CECR2: variants seen among roughly 807,000 people sequenced by gnomAD.
The protein encoded by CECR2 is CECR2 histone acetyl-lysine reader, also known as chromatin remodeling regulator CECR2.
A neutral mutation model predicts 154.5 loss-of-function variants in CECR2; 30 were observed. That is an observed-to-expected ratio of 0.19 (90% CI 0.15 to 0.26). The LOEUF is 0.26. Among genes scored for constraint, CECR2 ranks in the 10% least tolerant of loss-of-function variants. CECR2 has a pLI of 1.00. For missense variants in CECR2, 1,743 were observed against 1,829.3 expected (o/e 0.95, Z 0.86); for synonymous variants, 725 against 683.7 (o/e 1.06, Z -0.94).
chr22:17,481,982 G>A (rs2055328666), intron 2 of CECR2, among the ~76,000 whole-genome samples: 1 of 151,470 alleles, frequency 6.6e-6, no homozygotes, highest in Non-Finnish European at 1.5e-5. Flanking sequence ...CGGGCGTGGT[G>A]GCGGCACCTG....
chr22:17,461,224 T>C (rs2054933115), intron 1 of CECR2, among the ~76,000 whole-genome samples: 3 of 152,230 alleles, frequency 2.0e-5, no homozygotes, highest in Admixed American at 6.5e-5. Flanking sequence ...GTTCAGAGTT[T>C]ATTCTTTTTT....
chr22:17,479,788 G>C (rs2055275149), intron 2 of CECR2, among the ~76,000 whole-genome samples: 1 of 132,724 alleles, frequency 7.5e-6, no homozygotes, highest in African/African-American at 3.4e-5. Flanking sequence ...TTTTTTTTGG[G>C]ACAGGGTCTT....
At chr22:17,414,095 T>C (rs181565358) in intron 1 of CECR2, among the ~76,000 whole-genome samples, 2,164 of 150,982 alleles carry the variant, frequency 0.014, 31 homozygotes, top group African/African-American at 0.038. Flanking sequence ...GCCTCAGCCT[T>C]CTGAGTAGCT....
At chr22:17,412,382 T>A (rs1411433235) in intron 1 of CECR2, among the ~76,000 whole-genome samples, 7 of 152,166 alleles carry the variant, frequency 4.6e-5, no homozygotes, top group Non-Finnish European at 5.9e-5. Flanking sequence ...AGCTCTTCTT[T>A]CCTTGTTCAT....
In CECR2 at chr22:17,552,940, C is replaced by T; in HGVS notation, c.*100C>T. ...CTGTCAGCTCTATTCCCATCACCTG[C>T]TCCACCCCTTCACGGCGACCCACTC... On this transcript the variant is annotated 3_prime_UTR_variant, in exon 19 of 19. Transcript: ENST00000262608. The T allele has an allele frequency of 1.3e-6, 2 of 1,516,808 alleles. No homozygotes were observed. The highest frequency in any genetic ancestry group is 1.8e-6 in the Non-Finnish European group (2 of 1,135,540). The allele number at this position is 1,516,808 out of a possible 1,614,324, so 94.0% of individuals were successfully genotyped here.
rs375174193 is a variant in CECR2 at position 17,533,100 on chromosome 22, G to A, written c.1109-4003G>A. Among the ~76,000 whole-genome samples, 6 of 146,576 alleles carry A rather than the reference G, an allele frequency of 4.1e-5. No individual in the cohort carries two copies. The South Asian group carries it at 1.1e-3, about 27-fold the overall frequency. ...TGGGAGGCCGAGGCGGGCAGATCAC[G>A]AGGTCAGAAGATCAAGACCATCCTG... On this transcript the variant is annotated intron_variant, in intron 9 of 18. Coordinates refer to ENST00000262608, the MANE Select transcript of CECR2 (RefSeq NM_001290047.2).
chr22:17,460,891 C>G (rs1266170497), intron 1 of CECR2, among the ~76,000 whole-genome samples: 1 of 152,178 alleles, frequency 6.6e-6, no homozygotes, highest in African/African-American at 2.4e-5. Context: ...GGACTTCATC[C>G]TTTCTAGGTC....
At position 17,507,872 on chromosome 22, in the gene CECR2, G is replaced by A. The variant is rs1418115736; in HGVS notation, c.870+2856G>A. Reference sequence around the variant, plus strand: ...TAGTAAGAAAAATCTAAATTGGGAAGTAGAAAATCTTAGCAGACTAATAAT... The same window carrying A: ...TAGTAAGAAAAATCTAAATTGGGAAATAGAAAATCTTAGCAGACTAATAAT... On this transcript the variant is annotated intron_variant, in intron 7 of 18. Transcript: ENST00000262608. Among the ~76,000 whole-genome samples the A allele has an allele frequency of 2.0e-5, 3 of 152,138 alleles. No individual in the cohort carries two copies. In the East Asian group the frequency reaches 5.8e-4, roughly 29 times the overall value.
chr22:17,490,456 A>G (rs1423671447), intron 2 of CECR2, among the ~76,000 whole-genome samples: 1 of 151,760 alleles, frequency 6.6e-6, no homozygotes, highest in Non-Finnish European at 1.5e-5. Context: ...ATTTTTTGAG[A>G]TGGCGTCTTG....
chr22:17,551,989 C>T lies in CECR2; in HGVS notation c.4278-42C>T, dbSNP rs372518544. The T allele has an allele frequency of 5.7e-6, 9 of 1,574,626 alleles. No individual in the cohort carries two copies. In the Admixed American group the frequency reaches 8.3e-5, roughly 15 times the overall value. On this transcript the variant is annotated intron_variant, in intron 17 of 18. Transcript: ENST00000262608. ...TGTCTTGTTTCTTCTGTCGTTAACA[C>T]GTCTTCATTAATTCTTCATTGCTTC...
At chr22:17,383,657 C>CTTTTTTTTTT (rs57665657) in intron 1 of CECR2, among the ~76,000 whole-genome samples, 2 of 104,278 alleles carry the variant, frequency 1.9e-5, no homozygotes, top group African/African-American at 3.9e-5. Flanking sequence ...TTCAGGTCCA[C>CTTTTTTTTTT]TTTTTTTTTT....
At chr22:17,459,950 T>C (rs2054911837) in intron 1 of CECR2, among the ~76,000 whole-genome samples, 1 of 152,188 alleles carries the variant, frequency 6.6e-6, no homozygotes, top group Non-Finnish European at 1.5e-5. Context: ...AGTAGCAGCT[T>C]AGTATGTGCT....
intron 1 of CECR2, among the ~76,000 whole-genome samples, chr22:17,378,067 TCCGCCCC>T (rs2063138260): frequency 8.3e-6 from 1 of 120,682 alleles, no homozygotes; most frequent in Non-Finnish European, 1.9e-5. Context: ...CACTGCAACC[TCCGCCCC>T]CCGGGTTCAC....
chr22:17,379,341 A>T (rs2063157777), intron 1 of CECR2, among the ~76,000 whole-genome samples: 1 of 152,164 alleles, frequency 6.6e-6, no homozygotes, highest in Non-Finnish European at 1.5e-5. Context: ...TGTGAAGCTA[A>T]CTGAGGCTGA....
intron 1 of CECR2, among the ~76,000 whole-genome samples, chr22:17,404,131 C>T (rs1280720797): frequency 2.0e-5 from 3 of 151,268 alleles, no homozygotes; most frequent in African/African-American, 7.3e-5. Context: ...TCATGTTGCA[C>T]GTCTGTACTC....
chr22:17,370,244 T>TGGGCGCGAGGGCTGCGCGC (rs2063039239), intron 1 of CECR2, among the ~76,000 whole-genome samples: 1 of 130,682 alleles, frequency 7.7e-6, no homozygotes, highest in Admixed American at 8.1e-5. Flanking sequence ...GGGCTGGGTG[T>TGGGCGCGAGGGCTGCGCGC]GGGCGCGAGG....
intron 16 of CECR2, among the ~76,000 whole-genome samples, chr22:17,546,366 G>C (rs955633440): frequency 2.1e-4 from 32 of 151,606 alleles, no homozygotes; most frequent in African/African-American, 7.5e-4. Context: ...GGCGCCTGTA[G>C]TCCCAGCTAC....
Position 17,552,109 on chromosome 22 carries a change from G to T in CECR2, c.4356G>T (p.Pro1452=). The change falls in exon 18 of 19, where the codon CCG becomes CCT. Residue 1452 remains proline, a synonymous_variant. Transcript: ENST00000262608. ...CAGCAACATCACAGGAGGAGGTGCCGCCTCATAAGCCTCCAACACTTCCCC... is the reference window on the plus strand; with the variant it reads ...CAGCAACATCACAGGAGGAGGTGCCTCCTCATAAGCCTCCAACACTTCCCC... The part of the protein sequence containing the change: ...PTAATSQEEV[P]PHKPPTLPLD... 6.2e-7 allele frequency: 1 copy of T among 1,613,890 alleles called. No individual in the cohort carries two copies. The highest frequency in any genetic ancestry group is 8.5e-7 in the Non-Finnish European group (1 of 1,179,872).
intron 1 of CECR2, among the ~76,000 whole-genome samples, chr22:17,443,178 C>A (rs2054609905): frequency 6.6e-6 from 1 of 152,168 alleles, no homozygotes; most frequent in Admixed American, 6.5e-5. Context: ...TCTACAAATC[C>A]TTAAATCCAT....
Sources: gnomAD v4.1 joint callset for allele counts (sites outside exome capture counted in the v4.1 genomes callset) on GRCh38, gnomAD v4.1.1 for gene constraint, MANE v1.5 for transcripts, NCBI Gene and HGNC (gene_info 2026-07-23, HGNC 2026-07-21) for gene names.